ENGASE: variants seen among roughly 807,000 people sequenced by gnomAD.
ENGASE encodes the protein endo-beta-N-acetylglucosaminidase.
Under a neutral mutation model 78.5 loss-of-function variants are expected in ENGASE, and 69 were observed. The observed-to-expected ratio is 0.88, with a 90% CI of 0.72 to 1.07. The LOEUF is 1.07. ENGASE is among the 50% of genes least tolerant of loss of function. The pLI is 0.00. For synonymous variants in ENGASE, 408 were observed against 408.9 expected, an observed-to-expected ratio of 1.00 and a Z score of 0.03; for missense variants, 943 against 988.4, an observed-to-expected ratio of 0.95 and a Z score of 0.62.
chr17:79,077,427 T>A lies in ENGASE; in HGVS notation c.147-3T>A, dbSNP rs372861467. 2 of 1,594,808 alleles carry A rather than the reference T, an allele frequency of 1.3e-6. No individual in the cohort carries two copies. The highest frequency in any genetic ancestry group is 1.7e-6 in the Non-Finnish European group (2 of 1,174,724). On this transcript the variant is annotated splice_region_variant and splice_polypyrimidine_tract_variant and intron_variant, in intron 1 of 13. Coordinates refer to ENST00000579016, the MANE Select transcript of ENGASE (RefSeq NM_001042573.3). ...ATAAATGTACAACTCCCTCTTTGCT[T>A]AGCATCAAAGATGAAGAAGAAGAGA...
At position 79,079,635 on chromosome 17, in the gene ENGASE, T is replaced by C; in HGVS notation, c.563T>C (p.Leu188Pro). Residue 188 changes from leucine (L) to proline (P), a missense_variant and splice_region_variant, in exon 4 of 14, where the codon CTG becomes CCG. Leu to Pro is a moderately conservative substitution (Grantham distance 98, BLOSUM62 -3). Transcript: ENST00000579016. ...GCCCACAGGCATGGGGTCTGCGTGC[T>C]GGGTAAGAGCCAAGGACTCACCTCT... Reference protein sequence around the residue: ...NTAHRHGVCVLGTFITEWNEG... With the variant: ...NTAHRHGVCVPGTFITEWNEG... The C allele has an allele frequency of 6.2e-7, 1 of 1,612,684 alleles. No homozygotes were observed.
Position 79,079,769 on chromosome 17 carries a change from C to T in ENGASE, c.565+132C>T, listed in dbSNP as rs547375249. The T allele has an allele frequency of 3.0e-4, 359 of 1,181,166 alleles. No homozygotes were observed. In the African/African-American group the frequency reaches 4.3e-3, roughly 14 times the overall value. The allele number at this position is 1,181,166 out of a possible 1,614,324, so 73.2% of individuals were successfully genotyped here. A position where few individuals can be genotyped will look rare whatever the true frequency, so the allele number is the denominator to read the frequency against. ...GCCCCTCGCTGGGGGCCGCCTTGGT[C>T]GGCTAGGACAGGCAGCTGCAGGCTT... On this transcript the variant is annotated intron_variant, in intron 4 of 13. Transcript: ENST00000579016.
rs533819742 is a variant in ENGASE, at chr17:79,079,350, G to T, written c.417-139G>T. 84 of 906,474 alleles carry T rather than the reference G, an allele frequency of 9.3e-5. 1 individual carries two copies. In the South Asian group the frequency reaches 1.3e-3, roughly 14 times the overall value. 56.2% of individuals were successfully genotyped at this position (906,474 alleles called of 1,614,324 possible). A position where few individuals can be genotyped will look rare whatever the true frequency, so the allele number is the denominator to read the frequency against. On this transcript the variant is annotated intron_variant, in intron 3 of 13. Coordinates refer to ENST00000579016, the MANE Select transcript of ENGASE (RefSeq NM_001042573.3). ...GGCTAATTTTTCCAGTTTTTGTGGG[G>T]AGAGATGGGGTTTTGCCATGTTGCC...
chr17:79,086,054 G>C lies in ENGASE; in HGVS notation c.1937G>C (p.Ser646Thr), dbSNP rs1305133132. 6.2e-7 allele frequency: 1 copy of C among 1,613,384 alleles called. No homozygotes were observed. Among genetic ancestry groups the C allele is most frequent in the Non-Finnish European group, 8.5e-7 (1 of 1,180,040 alleles). Residue 646 changes from serine to threonine, a missense_variant, in exon 14 of 14, where the codon AGC becomes ACC. Physicochemically the swap from Ser to Thr is moderately conservative, Grantham distance 58. Coordinates refer to ENST00000579016, the MANE Select transcript of ENGASE (RefSeq NM_001042573.3). The part of the protein sequence containing the change: ...REGPPALLQL[S>T]CTLHWSFLLS... ...GGGCCCCCTGCTCTGCTCCAGCTCA[G>C]CTGCACCCTGCACTGGTCCTTCCTC...
chr17:79,082,648 T>G, intron 7 of ENGASE: 1 of 1,301,042 alleles, frequency 7.7e-7, no homozygotes, highest in South Asian at 1.2e-5. Flanking sequence ...TCTCAGCCCT[T>G]AATTTAGCTT....
In ENGASE at chr17:79,074,958, C is replaced by A. The variant is rs56107536; in HGVS notation, c.14C>A (p.Ala5Glu). 170,599 of 1,255,026 alleles carry A rather than the reference C, an allele frequency of 0.14. 13,243 individuals carry two copies. The highest frequency in any genetic ancestry group is 0.3 in the Admixed American group (8,502 of 28,026). 77.7% of individuals were successfully genotyped at this position (1,255,026 alleles called of 1,614,324 possible). A position where few individuals can be genotyped will look rare whatever the true frequency, so the allele number is the denominator to read the frequency against. MEAA[A>E]VTVTRSATRR... ...GCGGACAGTGTCATGGAGGCCGCGG[C>A]GGTGACGGTCACCCGGTCGGCTACA... The change falls in exon 1 of 14, where the codon GCG (alanine) becomes GAG (glutamate). Residue 5 changes from alanine (A) to glutamate (E), a missense_variant. Transcript: ENST00000579016.
chr17:79,086,528 C>A lies in ENGASE; in HGVS notation c.*179C>A, dbSNP rs918375323. ...GCTTTCTGGTGGGGGGCGATGGAAACAGGAAACCAAGCAGTGGGATCGCAG... is the reference window on the plus strand; with the variant it reads ...GCTTTCTGGTGGGGGGCGATGGAAAAAGGAAACCAAGCAGTGGGATCGCAG... On this transcript the variant is annotated 3_prime_UTR_variant, in exon 14 of 14. Coordinates refer to ENST00000579016, the MANE Select transcript of ENGASE (RefSeq NM_001042573.3). The A allele has an allele frequency of 1.3e-5, 9 of 718,834 alleles. No individual in the cohort carries two copies. Among genetic ancestry groups the A allele is most frequent in the Admixed American group, 3.0e-5 (1 of 33,706 alleles). 44.5% of individuals were successfully genotyped at this position (718,834 alleles called of 1,614,324 possible). A position where few individuals can be genotyped will look rare whatever the true frequency, so the allele number is the denominator to read the frequency against.
At position 79,088,558 on chromosome 17, in the gene ENGASE, C is replaced by G. The variant is rs2073403587; in HGVS notation, c.*2209C>G. 1 of 152,236 alleles carries G rather than the reference C, an allele frequency of 6.6e-6. No individual in the cohort carries two copies. Among genetic ancestry groups the G allele is most frequent in the Non-Finnish European group, 1.5e-5 (1 of 68,066 alleles). The allele number at this position is 152,236 out of a possible 1,614,324, so 9.4% of individuals were successfully genotyped here. A position where few individuals can be genotyped will look rare whatever the true frequency, so the allele number is the denominator to read the frequency against. Reference sequence around the variant, plus strand: ...CGGCGTTTAAGCCTGTGCCCCTCTGCTGGGTGTAACTGCGCTGAAATAAAT... The same window carrying G: ...CGGCGTTTAAGCCTGTGCCCCTCTGGTGGGTGTAACTGCGCTGAAATAAAT... On this transcript the variant is annotated 3_prime_UTR_variant, in exon 14 of 14. Coordinates refer to ENST00000579016, the MANE Select transcript of ENGASE (RefSeq NM_001042573.3).
rs762107156 is a variant in ENGASE, at chr17:79,085,935, G to A, written c.1818G>A (p.Val606=). 6.3e-7 allele frequency: 1 copy of A among 1,594,724 alleles called. No individual in the cohort carries two copies. Among genetic ancestry groups the A allele is most frequent in the South Asian group, 1.1e-5 (1 of 90,212 alleles). Residue 606 remains valine, a splice_region_variant and synonymous_variant, in exon 14 of 14, where the codon GTG becomes GTA. Coordinates refer to ENST00000579016, the MANE Select transcript of ENGASE (RefSeq NM_001042573.3). ...SFTCRLGEIQ[V]VDAASLLAPL... is the part of the protein sequence containing the mutation. ...TGCTGAGCCTTCTCTCCTGCCAGGT[G>A]GTGGACGCTGCCAGCCTGCTGGCCC...
chr17:79,082,644 C>T, intron 7 of ENGASE: 1 of 1,299,154 alleles, frequency 7.7e-7, no homozygotes, highest in Non-Finnish European at 1.0e-6. Context: ...ATGTTCTCAG[C>T]CCTTAATTTA....
Position 79,077,818 on chromosome 17 carries a change from C to T in ENGASE, c.370C>T (p.Arg124Trp), listed in dbSNP as rs550081329. The change falls in exon 3 of 14, where the codon CGG becomes TGG. Residue 124 changes from arginine (R) to tryptophan (W), a missense_variant. Transcript: ENST00000579016. ...GCCCCCTCTGAGCAGCCAGAGGCCC[C>T]GGACTTTGTTGTGTCATGACATGAT... ...RQPPLSSQRP[R>W]TLLCHDMMGG... is the part of the protein sequence containing the mutation. 76 of 1,613,578 alleles carry T rather than the reference C, an allele frequency of 4.7e-5. No individual in the cohort carries two copies. The highest frequency in any genetic ancestry group is 1.6e-4 in the East Asian group (7 of 44,864).
chr17:79,078,809 G>A (rs539766565), intron 3 of ENGASE, among the ~76,000 whole-genome samples: 10 of 151,486 alleles, frequency 6.6e-5, no homozygotes, highest in South Asian at 2.1e-4. Flanking sequence ...TTCGAGTTCC[G>A]GGAGACTCTG....
chr17:79,086,079 C>A lies in ENGASE; in HGVS notation c.1962C>A (p.Leu654=), dbSNP rs536144231. 1.2e-6 allele frequency: 2 copies of A among 1,613,638 alleles called. No homozygotes were observed. Among genetic ancestry groups the A allele is most frequent in the South Asian group, 2.2e-5 (2 of 91,092 alleles). The change falls in exon 14 of 14, where the codon CTC becomes CTA. Residue 654 remains leucine, a synonymous_variant. Transcript: ENST00000579016. ...QLSCTLHWSF[L]LSQVRCFRIH... The stretch of plus-strand genomic sequence containing the variant: ...GCTGCACCCTGCACTGGTCCTTCCT[C>A]CTCTCACAAGTCCGTTGCTTCCGAA...
intron 7 of ENGASE, chr17:79,082,799 C>T (rs370794651): frequency 6.7e-7 from 1 of 1,489,066 alleles, no homozygotes; most frequent in Non-Finnish European, 9.0e-7. Flanking sequence ...CCTGCCCTTG[C>T]AGCAGCGCTG....
At chr17:79,085,507 C>G in intron 12 of ENGASE, 113 bp from the exon 13 acceptor site, 1 of 1,460,548 alleles carries the variant, frequency 6.8e-7, no homozygotes, top group African/African-American at 1.4e-5. Context: ...GGCCTGGGGT[C>G]CCCCATGACC....
chr17:79,079,432 T>C, intron 3 of ENGASE, 57 bp from the exon 4 acceptor site: 1 of 1,573,988 alleles, frequency 6.4e-7, no homozygotes, highest in Non-Finnish European at 8.6e-7. Context: ...CCTGCCAAAG[T>C]GCTGGGAATA....
chr17:79,080,310 C>G lies in ENGASE; in HGVS notation c.669C>G (p.Ile223Met). ...YQAVADRLVQ[I>M]TQFFRFDGWL... ...CAGTGGCTGACCGGCTGGTCCAGATCACTCAGTTTTTTCGTTTTGATGGCT... is the reference window on the plus strand; with the variant it reads ...CAGTGGCTGACCGGCTGGTCCAGATGACTCAGTTTTTTCGTTTTGATGGCT... The change falls in exon 5 of 14, where the codon ATC becomes ATG. Residue 223 changes from isoleucine to methionine, a missense_variant. Ile to Met is a conservative substitution (Grantham distance 10). Coordinates refer to ENST00000579016, the MANE Select transcript of ENGASE (RefSeq NM_001042573.3). 2 of 1,613,950 alleles carry G rather than the reference C, an allele frequency of 1.2e-6. No homozygotes were observed. Among genetic ancestry groups the G allele is most frequent in the African/African-American group, 2.7e-5 (2 of 75,034 alleles).
chr17:79,079,501 C>T lies in ENGASE; in HGVS notation c.429C>T (p.Gly143=), dbSNP rs752592601. 2 of 1,613,318 alleles carry T rather than the reference C, an allele frequency of 1.2e-6. No homozygotes were observed. Among genetic ancestry groups the T allele is most frequent in the Non-Finnish European group, 1.7e-6 (2 of 1,179,922 alleles). Residue 143 remains glycine (G), a synonymous_variant, in exon 4 of 14, where the codon GGC becomes GGT. Coordinates refer to ENST00000579016, the MANE Select transcript of ENGASE (RefSeq NM_001042573.3). ...GGYLDDRFIQ[G]SVVQTPYAFY... is the part of the protein sequence containing the mutation. ...TTTCTTTCCCCAGGTTCATTCAGGG[C>T]TCGGTGGTGCAGACTCCCTATGCTT... is the stretch of plus-strand genomic sequence containing the variant.
At chr17:79,082,969 C>T (rs2073187888) in intron 7 of ENGASE, 51 bp from the exon 8 acceptor site, 3 of 1,595,022 alleles carry the variant, frequency 1.9e-6, no homozygotes, top group East Asian at 4.5e-5. Flanking sequence ...GTCCAGGAGC[C>T]TGTCTGGACT....
Sources: allele counts gnomAD v4.1 joint callset (sites outside exome capture counted in the v4.1 genomes callset), GRCh38; gene constraint gnomAD v4.1.1; transcripts MANE v1.5; gene names NCBI Gene and HGNC (gene_info 2026-07-23, HGNC 2026-07-21).